NR1H4: variants seen among roughly 807,000 people sequenced by gnomAD.
NR1H4 encodes the protein nuclear receptor subfamily 1 group H member 4.
NR1H4 carries 23 observed loss-of-function variants against 58.5 expected under a neutral mutation model. The observed-to-expected ratio is 0.39, with a 90% CI of 0.28 to 0.56. NR1H4 has a LOEUF of 0.56. Ranked by LOEUF, NR1H4 falls within the 20% of genes least tolerant of loss-of-function variation. The pLI is 0.58. For synonymous variants in NR1H4, 214 were observed against 198.0 expected, an observed-to-expected ratio of 1.08 and a Z score of -0.68; for missense variants, 487 against 576.9, an observed-to-expected ratio of 0.84 and a Z score of 1.60.
At chr12:100,496,425 G>T (rs1011289434) in intron 3 of NR1H4, among the ~76,000 whole-genome samples, 1 of 152,004 alleles carries the variant, frequency 6.6e-6, no homozygotes, top group Non-Finnish European at 1.5e-5. Flanking sequence ...AGAACATTCC[G>T]GGAGGAGACA....
chr12:100,533,746 C>T (rs937610896), intron 5 of NR1H4, among the ~76,000 whole-genome samples: 9 of 152,164 alleles, frequency 5.9e-5, no homozygotes, highest in African/African-American at 1.9e-4. Flanking sequence ...CATCCAGTAA[C>T]AGATGCGGAT....
chr12:100,522,533 C>CTT (rs1263851337), intron 4 of NR1H4, among the ~76,000 whole-genome samples: 1 of 150,832 alleles, frequency 6.6e-6, no homozygotes, highest in African/African-American at 2.4e-5. Context: ...ACCTGGCACT[C>CTT]TTTTTAAAAA....
At chr12:100,513,836 GGAAGGAAGGAA>G (rs1336029250) in intron 4 of NR1H4, among the ~76,000 whole-genome samples, 1,769 of 142,648 alleles carry the variant, frequency 0.012, 48 homozygotes, top group African/African-American at 0.041. Context: ...AAGGAAGGAA[GGAAGGAAGGAA>G]GGAAGGAAGG....
At chr12:100,547,253 C>T (rs972236296) in intron 9 of NR1H4, among the ~76,000 whole-genome samples, 4 of 152,076 alleles carry the variant, frequency 2.6e-5, no homozygotes, top group African/African-American at 4.8e-5. Context: ...ATGAACTCCC[C>T]GAGCTTAGTC....
intron 9 of NR1H4, among the ~76,000 whole-genome samples, chr12:100,547,317 GA>G (rs981054881): frequency 6.6e-6 from 1 of 152,104 alleles, no homozygotes; most frequent in African/African-American, 2.4e-5. Flanking sequence ...CAAGTTCCTA[GA>G]ATTAGATGCA....
chr12:100,496,544 C>T (rs1319019405), intron 3 of NR1H4, among the ~76,000 whole-genome samples: 2 of 152,188 alleles, frequency 1.3e-5, no homozygotes, highest in African/African-American at 4.8e-5. Context: ...AGCTGTGCAG[C>T]CTTGAACAGC....
chr12:100,548,840 A>G (rs1391976903), intron 9 of NR1H4, among the ~76,000 whole-genome samples: 1 of 152,176 alleles, frequency 6.6e-6, no homozygotes, highest in African/African-American at 2.4e-5. Context: ...TAACAGAGAC[A>G]AAAAATAAAG....
At chr12:100,507,429 C>T (rs551552790) in intron 3 of NR1H4, among the ~76,000 whole-genome samples, 3 of 151,950 alleles carry the variant, frequency 2.0e-5, no homozygotes, top group Non-Finnish European at 4.4e-5. Context: ...CAGACATACT[C>T]GTTTTTTTGT....
chr12:100,505,292 G>T (rs754184523), intron 3 of NR1H4, among the ~76,000 whole-genome samples: 2 of 152,138 alleles, frequency 1.3e-5, no homozygotes, highest in Admixed American at 6.5e-5. Flanking sequence ...CCCATTTGGG[G>T]GTACAGTGGT....
At chr12:100,478,853 C>T (rs1002165065) in intron 1 of NR1H4, among the ~76,000 whole-genome samples, 6 of 152,134 alleles carry the variant, frequency 3.9e-5, no homozygotes, top group African/African-American at 1.4e-4. Context: ...AAAACCTATG[C>T]CCCCACTAGC....
chr12:100,547,996 A>G (rs1955115974), intron 9 of NR1H4, among the ~76,000 whole-genome samples: 1 of 150,598 alleles, frequency 6.6e-6, no homozygotes, highest in African/African-American at 2.4e-5. Context: ...CTGGGATTAC[A>G]GGCTTGAGCC....
intron 4 of NR1H4, among the ~76,000 whole-genome samples, chr12:100,531,484 A>G (rs1954691221): frequency 6.6e-6 from 1 of 152,198 alleles, no homozygotes; most frequent in African/African-American, 2.4e-5. Flanking sequence ...TTCAGATGAA[A>G]GTATCCCGAA....
chr12:100,521,185 A>G (rs535607451), intron 4 of NR1H4, among the ~76,000 whole-genome samples: 76 of 152,010 alleles, frequency 5.0e-4, no homozygotes, highest in African/African-American at 1.8e-3. Flanking sequence ...TCCTCATTAC[A>G]TTGGTCTCTT....
intron 4 of NR1H4, among the ~76,000 whole-genome samples, chr12:100,531,063 C>A (rs1954679913): frequency 1.3e-5 from 2 of 152,138 alleles, no homozygotes. Context: ...CATAGAGTGA[C>A]CTCAGTGTAA....
intron 9 of NR1H4, among the ~76,000 whole-genome samples, chr12:100,548,711 A>C (rs2136282360): frequency 6.6e-6 from 1 of 152,288 alleles, no homozygotes; most frequent in East Asian, 1.9e-4. Context: ...CTGGCGGTAC[A>C]AAGATGAATA....
intron 1 of NR1H4, among the ~76,000 whole-genome samples, chr12:100,480,941 GAGATTTTTAA>G (rs1450067561): frequency 3.3e-5 from 5 of 152,300 alleles, no homozygotes; most frequent in African/African-American, 1.2e-4. Context: ...CTTTCTCCAT[GAGATTTTTAA>G]ATCTGAGATA....
At chr12:100,519,275 C>T (rs923690287) in intron 4 of NR1H4, among the ~76,000 whole-genome samples, 56 of 152,018 alleles carry the variant, frequency 3.7e-4, no homozygotes, top group African/African-American at 1.2e-3. Context: ...CATTCACCCC[C>T]GCCAAAATTC....
chr12:100,560,481 CGT>C (rs758799510), intron 9 of NR1H4, among the ~76,000 whole-genome samples: 1 of 152,098 alleles, frequency 6.6e-6, no homozygotes, highest in Admixed American at 6.5e-5. Flanking sequence ...CAACTCCAGA[CGT>C]GCTGCCTTAA....
intron 9 of NR1H4, among the ~76,000 whole-genome samples, chr12:100,548,202 C>T (rs971483207): frequency 2.0e-4 from 30 of 150,106 alleles, no homozygotes; most frequent in Admixed American, 3.3e-4. Flanking sequence ...CCCGTCTCTA[C>T]TAAAAATATA....
Sources: gnomAD v4.1 joint callset for allele counts (sites outside exome capture counted in the v4.1 genomes callset) on GRCh38, gnomAD v4.1.1 for gene constraint, MANE v1.5 for transcripts, NCBI Gene and HGNC (gene_info 2026-07-23, HGNC 2026-07-21) for gene names.